The following VAV1 variants were observed in gnomAD, a reference collection of about 807,000 sequenced individuals.
The protein encoded by VAV1 is proto-oncogene vav.
A neutral mutation model predicts 128.1 loss-of-function variants in VAV1; 33 were observed. That is an observed-to-expected ratio of 0.26 (90% CI 0.20 to 0.34). The LOEUF (loss-of-function observed/expected upper bound fraction) is 0.34. Ranked by LOEUF, VAV1 falls within the 10% of genes least tolerant of loss-of-function variation. VAV1 has a pLI of 1.00. For synonymous variants in VAV1, 394 were observed against 409.8 expected, an observed-to-expected ratio of 0.96 and a Z score of 0.47; for missense variants, 715 against 1,093.7, an observed-to-expected ratio of 0.65 and a Z score of 4.88.
At chr19:6,854,142 AGCTG>A in intron 26 of VAV1, 44 bp downstream of exon 26, 1 of 1,602,150 alleles carries the variant, frequency 6.2e-7, no homozygotes, top group Admixed American at 1.7e-5. Flanking sequence ...ATGGGGGTTG[AGCTG>A]GTGGTGGACG....
chr19:6,800,893 C>T (rs1013005289), intron 1 of VAV1, among the ~76,000 whole-genome samples: 3 of 152,092 alleles, frequency 2.0e-5, no homozygotes, highest in African/African-American at 7.2e-5. Context: ...TCCCAAAGTG[C>T]TGGGATTACA....
intron 1 of VAV1, among the ~76,000 whole-genome samples, chr19:6,799,608 C>T (rs1971217833): frequency 3.9e-5 from 6 of 152,084 alleles, no homozygotes; most frequent in Non-Finnish European, 8.8e-5. Context: ...TCCTAACCCC[C>T]AGCCCCCGAC....
chr19:6,823,560 T>G (rs953371132), intron 6 of VAV1, among the ~76,000 whole-genome samples: 22 of 151,984 alleles, frequency 1.4e-4, no homozygotes, highest in African/African-American at 4.6e-4. Context: ...CTTAAACTCC[T>G]GGGCTCAAGC....
At chr19:6,790,789 T>A (rs960348511) in intron 1 of VAV1, among the ~76,000 whole-genome samples, 1 of 151,948 alleles carries the variant, frequency 6.6e-6, no homozygotes, top group African/African-American at 2.4e-5. Context: ...AATCAAGGGG[T>A]GGATTATGCA....
intron 1 of VAV1, among the ~76,000 whole-genome samples, chr19:6,774,252 C>A (rs1006361449): frequency 6.6e-6 from 1 of 150,484 alleles, no homozygotes; most frequent in African/African-American, 2.4e-5. Context: ...CTCAGCCTCC[C>A]GAGTAGCTGG....
intron 1 of VAV1, among the ~76,000 whole-genome samples, chr19:6,806,118 A>G (rs186675756): frequency 1.3e-5 from 2 of 151,966 alleles, no homozygotes; most frequent in African/African-American, 4.8e-5. Context: ...ATGGAGTCTC[A>G]CTCTGTCACC....
At chr19:6,836,317 A>G in intron 19 of VAV1, 115 bp from the exon 20 acceptor site, 1 of 1,333,904 alleles carries the variant, frequency 7.5e-7, no homozygotes, top group Non-Finnish European at 1.0e-6. Context: ...CGTCCTTGTC[A>G]ACACTTAGTA....
Position 6,857,260 on chromosome 19 carries a change from G to A in VAV1, c.*153G>A, listed in dbSNP as rs1467141221. 5 of 1,003,942 alleles carry A rather than the reference G, an allele frequency of 5.0e-6. No individual in the cohort carries two copies. The African/African-American group carries it at 6.5e-5, about 13-fold the overall frequency. The allele number at this position is 1,003,942 out of a possible 1,614,324, so 62.2% of individuals were successfully genotyped here. ...GTCCAGCTGGCGGTGCTCCCGGGAT[G>A]TGCCCTGACATGGTTAATTTATAAC... On this transcript the variant is annotated 3_prime_UTR_variant, in exon 27 of 27. Transcript: ENST00000602142.
At chr19:6,830,259 A>T (rs1415159047) in intron 14 of VAV1, among the ~76,000 whole-genome samples, 3 of 151,606 alleles carry the variant, frequency 2.0e-5, no homozygotes, top group African/African-American at 7.3e-5. Flanking sequence ...GGGTTTCACC[A>T]TGTTGGCCAG....
chr19:6,826,559 G>A lies in VAV1; in HGVS notation c.828-53G>A. The A allele has an allele frequency of 1.4e-6, 2 of 1,421,536 alleles. No individual in the cohort carries two copies. The highest frequency in any genetic ancestry group is 1.9e-6 in the Non-Finnish European group (2 of 1,032,176). The allele number at this position is 1,421,536 out of a possible 1,614,324, so 88.1% of individuals were successfully genotyped here. A position where few individuals can be genotyped will look rare whatever the true frequency, so the allele number is the denominator to read the frequency against. ...AAGGCCAGGGCTGACGCCAGCCTCT[G>A]CCCGACCTTGATGCCAGTCACCTTT... On this transcript the variant is annotated intron_variant, in intron 8 of 26. Coordinates refer to ENST00000602142, the MANE Select transcript of VAV1 (RefSeq NM_005428.4). The surrounding 1 kb of genome is among the most constrained non-coding windows in gnomAD (Gnocchi z 4.1).
chr19:6,822,333 C>T lies in VAV1; in HGVS notation c.558+4C>T, dbSNP rs1295584359. 2.5e-6 allele frequency: 3 copies of T among 1,198,940 alleles called. No individual in the cohort carries two copies. The highest frequency in any genetic ancestry group is 3.1e-5 in the African/African-American group (2 of 63,838). 74.3% of individuals were successfully genotyped at this position (1,198,940 alleles called of 1,614,324 possible). A position where few individuals can be genotyped will look rare whatever the true frequency, so the allele number is the denominator to read the frequency against. ...CTCGGAGCCCGTGTCCATGCCGGTG[C>T]GTGACGTGGAGGGTCGGGCCTGGGG... On this transcript the variant is annotated splice_donor_region_variant and intron_variant, in intron 5 of 26. Transcript: ENST00000602142. The surrounding 1 kb of genome is among the most constrained non-coding windows in gnomAD (Gnocchi z 5.9).
intron 1 of VAV1, chr19:6,784,279 T>A: frequency 1.8e-6 from 1 of 545,124 alleles, no homozygotes; most frequent in Middle Eastern, 2.7e-4. Context: ...TGCAGGTCTG[T>A]GGAAATCTCA....
intron 24 of VAV1, among the ~76,000 whole-genome samples, chr19:6,851,012 C>T (rs1450100235): frequency 1.3e-5 from 2 of 151,808 alleles, no homozygotes; most frequent in Admixed American, 1.3e-4. Flanking sequence ...TATATTCAAG[C>T]ATTATGTATA....
chr19:6,804,359 G>T (rs553361058), intron 1 of VAV1, among the ~76,000 whole-genome samples: 48 of 152,020 alleles, frequency 3.2e-4, no homozygotes, highest in African/African-American at 1.1e-3. Context: ...GCTCTTGCAG[G>T]GCTACCCCAC....
intron 25 of VAV1, 149 bp from the exon 26 acceptor site, chr19:6,853,798 C>G: frequency 6.6e-6 from 6 of 908,442 alleles, no homozygotes; most frequent in Non-Finnish European, 9.6e-6. Context: ...CAATTGTGTC[C>G]CCTTACAGTA....
rs974849218 is a variant in VAV1, at chr19:6,822,146, C to T, written c.450-75C>T. The T allele has an allele frequency of 1.4e-6, 2 of 1,427,518 alleles. No homozygotes were observed. The highest frequency in any genetic ancestry group is 1.4e-5 in the African/African-American group (1 of 70,624). The allele number at this position is 1,427,518 out of a possible 1,614,324, so 88.4% of individuals were successfully genotyped here. ...CCTTGGAGTCTTGGGGGGACAAAGC[C>T]CTGCGCTGGGGTCTGCGGGGACCCT... On this transcript the variant is annotated intron_variant, in intron 4 of 26. Coordinates refer to ENST00000602142, the MANE Select transcript of VAV1 (RefSeq NM_005428.4). The surrounding 1 kb of genome is among the most constrained non-coding windows in gnomAD (Gnocchi z 5.9).
intron 1 of VAV1, among the ~76,000 whole-genome samples, chr19:6,786,260 G>A (rs691528): frequency 0.25 from 38,409 of 151,734 alleles, 5,365 homozygotes; most frequent in African/African-American, 0.37. Context: ...TCATTCATTC[G>A]CTTAACACAG....
chr19:6,804,849 A>C lies in VAV1; in HGVS notation c.205-15853A>C, dbSNP rs576559059. Among the ~76,000 whole-genome samples the C allele has an allele frequency of 1.4e-4, 21 of 147,900 alleles. No homozygotes were observed. In the East Asian group the frequency reaches 4.1e-3, roughly 29 times the overall value. ...CGCCATTCTCCTGCTTCAGCCTCCC[A>C]AGTAGCTGGGACTACAGGCGCCCGC... On this transcript the variant is annotated intron_variant, in intron 1 of 26. Coordinates refer to ENST00000602142, the MANE Select transcript of VAV1 (RefSeq NM_005428.4).
In VAV1 at chr19:6,806,620, G is replaced by A. The variant is rs138914832; in HGVS notation, c.205-14082G>A. Among the ~76,000 whole-genome samples, 42 of 152,234 alleles carry A rather than the reference G, an allele frequency of 2.8e-4. 1 individual carries two copies. The highest frequency in any genetic ancestry group is 2.1e-4 in the South Asian group (1 of 4,818). ...TAACCTCACTCTTGACCAACACAGC[G>A]GAGAGTAAATCACTGTCCCAGAAGC... On this transcript the variant is annotated intron_variant, in intron 1 of 26. Coordinates refer to ENST00000602142, the MANE Select transcript of VAV1 (RefSeq NM_005428.4).
Sources: gnomAD v4.1 joint callset for allele counts (sites outside exome capture counted in the v4.1 genomes callset) on GRCh38, gnomAD v4.1.1 for gene constraint, Gnocchi (gnomAD v3.1) non-coding constraint, MANE v1.5 for transcripts, NCBI Gene and HGNC (gene_info 2026-07-23, HGNC 2026-07-21) for gene names.